Variants in MKLN1 observed in about 807,000 individuals in gnomAD.
MKLN1 encodes muskelin.
Under a neutral mutation model 99.0 loss-of-function variants are expected in MKLN1, and 18 were observed. The ratio of observed to expected loss-of-function variants is 0.18; its 90% CI spans 0.13 to 0.27. The LOEUF is 0.27. Among genes scored for constraint, MKLN1 ranks in the 10% least tolerant of loss-of-function variants. The pLI is 1.00. For missense variants in MKLN1, 621 were observed against 875.9 expected, an observed-to-expected ratio of 0.71 and a Z score of 3.67; for synonymous variants, 288 against 293.2, an observed-to-expected ratio of 0.98 and a Z score of 0.18.
At chr7:131,137,811 G>A (rs554364018) in intron 1 of MKLN1, among the ~76,000 whole-genome samples, 41 of 152,188 alleles carry the variant, frequency 2.7e-4, no homozygotes, top group Admixed American at 1.5e-3. Context: ...CTGACCTCAG[G>A]TGATCCACCT....
rs148925230 is a variant in MKLN1, at chr7:131,287,914, C to T, written c.-179+84940C>T. Among the ~76,000 whole-genome samples, 901 of 152,200 alleles carry T rather than the reference C, an allele frequency of 5.9e-3. 10 individuals carry two copies. Among genetic ancestry groups the T allele is most frequent in the African/African-American group, 0.02 (840 of 41,520 alleles). ...TGCTTCTTACTTTTCTCTCTCCTGACGCCATGTGAAGAAGGTCCTTGTTTC... is the reference window on the plus strand; with the variant it reads ...TGCTTCTTACTTTTCTCTCTCCTGATGCCATGTGAAGAAGGTCCTTGTTTC... On this transcript the variant is annotated intron_variant, in intron 3 of 7. Coordinates refer to the MKLN1 transcript ENST00000416992.
chr7:131,133,633 T>G (rs1229236591), intron 1 of MKLN1, among the ~76,000 whole-genome samples: 1 of 151,372 alleles, frequency 6.6e-6, no homozygotes, highest in Non-Finnish European at 1.5e-5. Context: ...ATTATAGGCG[T>G]GAGCCACCGC....
intron 3 of MKLN1, among the ~76,000 whole-genome samples, chr7:131,259,013 A>G (rs1797695961): frequency 6.6e-6 from 1 of 152,164 alleles, no homozygotes; most frequent in Non-Finnish European, 1.5e-5. Context: ...CAGGGGAGCC[A>G]GTTCTAGCTG....
intron 3 of MKLN1, among the ~76,000 whole-genome samples, chr7:131,263,640 C>T (rs1030601618): frequency 2.0e-5 from 3 of 151,152 alleles, no homozygotes; most frequent in African/African-American, 7.3e-5. Flanking sequence ...GGCACGATCT[C>T]GGCTCACTGC....
intron 2 of MKLN1, among the ~76,000 whole-genome samples, chr7:131,181,498 A>T (rs1796376337): frequency 6.6e-6 from 1 of 152,134 alleles, no homozygotes; most frequent in African/African-American, 2.4e-5. Flanking sequence ...AAGTGAAGCC[A>T]GGTGTTCGAG....
chr7:131,374,851 T>A (rs1392891990), intron 1 of MKLN1, among the ~76,000 whole-genome samples: 4 of 152,110 alleles, frequency 2.6e-5, no homozygotes, highest in Admixed American at 2.6e-4. Flanking sequence ...ACAATATGAT[T>A]GCATGCAATA....
chr7:131,365,605 G>A (rs781012405), intron 1 of MKLN1, among the ~76,000 whole-genome samples: 7 of 151,956 alleles, frequency 4.6e-5, no homozygotes, highest in Non-Finnish European at 8.8e-5. Context: ...AATCTATCTC[G>A]AGTTGATTTT....
intron 3 of MKLN1, among the ~76,000 whole-genome samples, chr7:131,240,092 G>A (rs1245700791): frequency 6.6e-6 from 1 of 152,108 alleles, no homozygotes; most frequent in African/African-American, 2.4e-5. Context: ...GAGGAGGGAA[G>A]ATCACTTGAG....
rs1584650136 is a variant in MKLN1 at position 131,361,760 on chromosome 7, T to C, written c.99-13664T>C. On this transcript the variant is annotated intron_variant, in intron 1 of 17. Transcript: ENST00000352689. ...TTATACTTGTGAGGCAGTCAGTAAG[T>C]ATATTCCAAATTCCACTTATTCTCC... Among the ~76,000 whole-genome samples the C allele has an allele frequency of 2.0e-5, 3 of 152,020 alleles. No individual in the cohort carries two copies. The East Asian group carries it at 5.8e-4, about 29-fold the overall frequency.
chr7:131,140,611 T>C (rs1795716882), intron 1 of MKLN1, among the ~76,000 whole-genome samples: 1 of 152,208 alleles, frequency 6.6e-6, no homozygotes, highest in African/African-American at 2.4e-5. Context: ...CTTCACCTTC[T>C]GCCGTGAGTA....
chr7:131,149,734 C>G (rs1378802695), intron 2 of MKLN1, among the ~76,000 whole-genome samples: 2 of 152,152 alleles, frequency 1.3e-5, no homozygotes, highest in African/African-American at 4.8e-5. Context: ...AATTAGAACT[C>G]TCAGTTTTTC....
At chr7:131,396,994 A>G (rs1006829105) in intron 4 of MKLN1, among the ~76,000 whole-genome samples, 1 of 152,232 alleles carries the variant, frequency 6.6e-6, no homozygotes, top group East Asian at 1.9e-4. Context: ...CTGTTAAATC[A>G]TCTAATTCTG....
chr7:131,375,645 A>C (rs1793623166), intron 2 of MKLN1, 152 bp downstream of exon 2: 1 of 519,964 alleles, frequency 1.9e-6, no homozygotes, highest in East Asian at 3.1e-5. Context: ...CTTGTTTATT[A>C]AATTTTGGAA....
chr7:131,304,272 G>A (rs548315019), intron 3 of MKLN1, among the ~76,000 whole-genome samples: 17 of 152,338 alleles, frequency 1.1e-4, no homozygotes, highest in Admixed American at 4.6e-4. Context: ...TCAGGAGGCT[G>A]AAGAGATAGG....
chr7:131,424,416 G>A (rs1379745154), intron 8 of MKLN1, among the ~76,000 whole-genome samples: 1 of 151,948 alleles, frequency 6.6e-6, no homozygotes, highest in African/African-American at 2.4e-5. Context: ...CAAAAGTAGT[G>A]TGCCATCTTG....
chr7:131,192,079 ATATATATT>A, intron 2 of MKLN1, among the ~76,000 whole-genome samples: 1 of 71,674 alleles, frequency 1.4e-5, no homozygotes, highest in South Asian at 3.3e-4. Flanking sequence ...ATATATATAC[ATATATATT>A]ATATATATAT....
chr7:131,491,129 A>G lies in MKLN1; in HGVS notation c.*3401A>G, dbSNP rs1692067816. ...TCACGTGAAATCCTTAGCTGGTTGA[A>G]TGTTGCACAGTATTTGAGAATTACG... On this transcript the variant is annotated 3_prime_UTR_variant, in exon 18 of 18. Transcript: ENST00000352689. 6.6e-6 allele frequency: 1 copy of G among 152,118 alleles called. No homozygotes were observed. The highest frequency in any genetic ancestry group is 1.5e-5 in the Non-Finnish European group (1 of 68,004). The allele number at this position is 152,118 out of a possible 1,614,324, so 9.4% of individuals were successfully genotyped here. A position where few individuals can be genotyped will look rare whatever the true frequency, so the allele number is the denominator to read the frequency against.
intron 2 of MKLN1, among the ~76,000 whole-genome samples, chr7:131,190,058 G>A (rs1219465675): frequency 6.6e-6 from 1 of 152,098 alleles, no homozygotes; most frequent in Non-Finnish European, 1.5e-5. Context: ...TACCTGGTGG[G>A]TTACTTAGAA....
In MKLN1 at chr7:131,370,307, T is replaced by C. The variant is rs550066045; in HGVS notation, c.99-5117T>C. 2.0e-4 allele frequency among the ~76,000 whole-genome samples: 31 copies of C among 152,238 alleles called. No individual in the cohort carries two copies. The South Asian group carries it at 5.8e-3, about 29-fold the overall frequency. On this transcript the variant is annotated intron_variant, in intron 1 of 17. Coordinates refer to ENST00000352689, the MANE Select transcript of MKLN1 (RefSeq NM_013255.5). ...GACTCAGTTTCTGGGTTTGTGTTTC[T>C]CTGAGCTATTGTTTTTTTCCTATTC...
Sources: gnomAD v4.1 joint callset for allele counts (sites outside exome capture counted in the v4.1 genomes callset) on GRCh38, gnomAD v4.1.1 for gene constraint, MANE v1.5 for transcripts, NCBI Gene and HGNC (gene_info 2026-07-23, HGNC 2026-07-21) for gene names.